PSMF1: variants seen among roughly 807,000 people sequenced by gnomAD.
PSMF1 encodes the protein proteasome inhibitor subunit 1.
PSMF1 carries 30 observed loss-of-function variants against 29.3 expected under a neutral mutation model. The ratio of observed to expected loss-of-function variants is 1.02; its 90% CI spans 0.77 to 1.39. PSMF1 has a LOEUF of 1.39. Among genes scored for constraint, PSMF1 ranks in the 40% most tolerant of loss-of-function variants. The pLI, the probability that PSMF1 is intolerant of heterozygous loss-of-function variation, is 0.00. For synonymous variants in PSMF1, 134 were observed against 139.7 expected (o/e 0.96, Z 0.29); for missense variants, 344 against 357.5 (o/e 0.96, Z 0.31).
chr20:1,147,962 C>A (rs943469893), intron 4 of PSMF1, among the ~76,000 whole-genome samples: 3 of 152,198 alleles, frequency 2.0e-5, no homozygotes, highest in Admixed American at 1.3e-4. Context: ...CCTTGGCTGG[C>A]GCTCGGAGCA....
intron 2 of PSMF1, among the ~76,000 whole-genome samples, chr20:1,126,162 G>A (rs1482558747): frequency 6.6e-6 from 1 of 152,046 alleles, no homozygotes; most frequent in East Asian, 1.9e-4. Context: ...TCTAAATTAT[G>A]TCTCTTTACG....
At position 1,165,175 on chromosome 20, in the gene PSMF1, C is replaced by A; in HGVS notation, c.*95C>A. ...CAACCATGTTCTTGCAGGCTGGGGG[C>A]AAGGGATTCTGCTCATGTGTTTGCA... On this transcript the variant is annotated 3_prime_UTR_variant, in exon 7 of 7. Transcript: ENST00000335877. 1 of 1,603,332 alleles carries A rather than the reference C, an allele frequency of 6.2e-7. No homozygotes were observed. The highest frequency in any genetic ancestry group is 8.5e-7 in the Non-Finnish European group (1 of 1,174,350).
At chr20:1,121,836 C>T (rs1600138859) in intron 1 of PSMF1, among the ~76,000 whole-genome samples, 1 of 152,306 alleles carries the variant, frequency 6.6e-6, no homozygotes, top group East Asian at 1.9e-4. Flanking sequence ...GGATTTCTTT[C>T]TTGAAGTCAG....
intron 3 of PSMF1, among the ~76,000 whole-genome samples, chr20:1,134,227 A>G (rs2086273826): frequency 6.6e-6 from 1 of 152,030 alleles, no homozygotes; most frequent in Non-Finnish European, 1.5e-5. Flanking sequence ...ATTTAGTGCT[A>G]TGAGGTTTCT....
chr20:1,155,450 T>C (rs1269196109), intron 4 of PSMF1, among the ~76,000 whole-genome samples: 5 of 152,196 alleles, frequency 3.3e-5, no homozygotes, highest in Non-Finnish European at 5.9e-5. Context: ...CTCCACTTGA[T>C]GTTGGACACA....
chr20:1,159,281 TC>T lies in PSMF1; in HGVS notation c.552-3847del, dbSNP rs540045476. Among the ~76,000 whole-genome samples the T allele has an allele frequency of 2.3e-3, 351 of 152,110 alleles. 3 individuals are homozygous for T. Among genetic ancestry groups the T allele is most frequent in the Middle Eastern group, 0.01 (3 of 294 alleles). On this transcript the variant is annotated intron_variant, in intron 4 of 6. Coordinates refer to ENST00000335877, the MANE Select transcript of PSMF1 (RefSeq NM_006814.5). Reference sequence around the variant, plus strand: ...GTCTCGAACTCCTGGACTCAAGCAATCCTCCCACCTCGACCTCCCAAAGTGC... The same window carrying T: ...GTCTCGAACTCCTGGACTCAAGCAATCTCCCACCTCGACCTCCCAAAGTGC...
chr20:1,156,012 G>A (rs4813945), intron 4 of PSMF1, among the ~76,000 whole-genome samples: 66,784 of 152,022 alleles, frequency 0.44, 15,194 homozygotes, highest in East Asian at 0.7. Context: ...AAATGCTCCA[G>A]CAAGTGAGGG....
In PSMF1 at chr20:1,133,555, G is replaced by GTATATATATATATA. The variant is rs1311800612; in HGVS notation, c.366-1564_366-1551dup. Among the ~76,000 whole-genome samples, 61 of 53,904 alleles carry GTATATATATATATA rather than the reference G, an allele frequency of 1.1e-3. 2 individuals are homozygous for GTATATATATATATA. The highest frequency in any genetic ancestry group is 1.6e-3 in the Non-Finnish European group (38 of 23,806). 35.4% of individuals were successfully genotyped at this position (53,904 alleles called of 152,430 possible). On this transcript the variant is annotated intron_variant, in intron 3 of 6. Transcript: ENST00000335877. ...ATAGGATATACTAGTCTATATATGTGTATATATATATATATTTTTTTTTTT... is the reference window on the plus strand; with the variant it reads ...ATAGGATATACTAGTCTATATATGTGTATATATATATATATATATATATATATATTTTTTTTTTT...
At chr20:1,140,154 C>T (rs533036200) in intron 4 of PSMF1, among the ~76,000 whole-genome samples, 27 of 152,264 alleles carry the variant, frequency 1.8e-4, no homozygotes, top group Non-Finnish European at 2.9e-4. Context: ...CTAAAACAAT[C>T]TCAAAGAAAA....
At chr20:1,133,555 G>GTGTATATATATATATATATA (rs60728448) in intron 3 of PSMF1, among the ~76,000 whole-genome samples, 5 of 53,988 alleles carry the variant, frequency 9.3e-5, no homozygotes, top group African/African-American at 2.6e-4. Context: ...CTATATATGT[G>GTGTATATATATATATATATA]TATATATATA....
rs182022885 is a variant in PSMF1 at position 1,171,535 on chromosome 20, G to A, written c.*6455G>A. ...CAAATCCTGGCTCCAAGTCCAGGGC[G>A]TTTCCAGTAAGCACTGTCCAAATCA... On this transcript the variant is annotated 3_prime_UTR_variant, in exon 7 of 7. Transcript: ENST00000335877. Among the ~76,000 whole-genome samples, 40 of 152,326 alleles carry A rather than the reference G, an allele frequency of 2.6e-4. No homozygotes were observed. Among genetic ancestry groups the A allele is most frequent in the African/African-American group, 7.5e-4 (31 of 41,578 alleles).
At chr20:1,137,900 A>G (rs1322123817) in intron 4 of PSMF1, among the ~76,000 whole-genome samples, 4 of 152,226 alleles carry the variant, frequency 2.6e-5, no homozygotes, top group African/African-American at 9.6e-5. Context: ...TTACTTTAAA[A>G]TAATTTCAGC....
chr20:1,153,355 G>A (rs548389653), intron 4 of PSMF1, among the ~76,000 whole-genome samples: 13 of 152,042 alleles, frequency 8.6e-5, no homozygotes, highest in South Asian at 4.2e-4. Flanking sequence ...ACTAAGGTCC[G>A]TATCCCTCTC....
At chr20:1,130,487 C>A (rs2086214350) in intron 3 of PSMF1, among the ~76,000 whole-genome samples, 1 of 152,202 alleles carries the variant, frequency 6.6e-6, no homozygotes, top group African/African-American at 2.4e-5. Context: ...CTTCTGCCCT[C>A]TTCAGACCTC....
At chr20:1,153,972 T>TA (rs1035337553) in intron 4 of PSMF1, among the ~76,000 whole-genome samples, 1 of 152,244 alleles carries the variant, frequency 6.6e-6, no homozygotes, top group Non-Finnish European at 1.5e-5. Flanking sequence ...TATTTGTAGT[T>TA]ACGCATGCAT....
At chr20:1,157,676 G>A (rs182073549) in intron 4 of PSMF1, among the ~76,000 whole-genome samples, 3 of 152,142 alleles carry the variant, frequency 2.0e-5, no homozygotes, top group Admixed American at 2.0e-4. Flanking sequence ...CTGGTCACGT[G>A]GTCGTAGCTG....
chr20:1,136,859 G>A (rs566933080), intron 4 of PSMF1, among the ~76,000 whole-genome samples: 1 of 152,272 alleles, frequency 6.6e-6, no homozygotes, highest in South Asian at 2.1e-4. Context: ...ATTGAATATT[G>A]TTTCTTCAGT....
In PSMF1 at chr20:1,127,271, C is replaced by T. The variant is rs189707348; in HGVS notation, c.283-155C>T. The T allele has an allele frequency of 5.1e-4, 397 of 778,644 alleles. 2 individuals carry two copies. In the African/African-American group the frequency reaches 5.8e-3, roughly 11 times the overall value. 48.2% of individuals were successfully genotyped at this position (778,644 alleles called of 1,614,324 possible). A position where few individuals can be genotyped will look rare whatever the true frequency, so the allele number is the denominator to read the frequency against. On this transcript the variant is annotated intron_variant, in intron 2 of 6. Transcript: ENST00000335877. ...TCCTAAATCAGAGAAGTCTCCAAGCCTTAGGAAGGTATTTCATATAAACAG... is the reference window on the plus strand; with the variant it reads ...TCCTAAATCAGAGAAGTCTCCAAGCTTTAGGAAGGTATTTCATATAAACAG...
At position 1,170,508 on chromosome 20, in the gene PSMF1, C is replaced by T. The variant is rs138155725; in HGVS notation, c.*5428C>T. 5.6e-3 allele frequency among the ~76,000 whole-genome samples: 848 copies of T among 152,208 alleles called. 6 individuals are homozygous for T. The highest frequency in any genetic ancestry group is 0.02 in the African/African-American group (812 of 41,512). ...TTATAGCATACATTATATCTTCAAA[C>T]CATAACCATAATGAGGTGTTATCCC... On this transcript the variant is annotated 3_prime_UTR_variant, in exon 7 of 7. Coordinates refer to ENST00000335877, the MANE Select transcript of PSMF1 (RefSeq NM_006814.5).
Sources: gnomAD v4.1 joint callset for allele counts (sites outside exome capture counted in the v4.1 genomes callset) on GRCh38, gnomAD v4.1.1 for gene constraint, MANE v1.5 for transcripts, NCBI Gene and HGNC (gene_info 2026-07-23, HGNC 2026-07-21) for gene names.